Variants in ZC3H12C observed in about 807,000 individuals in gnomAD.
The protein encoded by ZC3H12C is probable ribonuclease ZC3H12C.
A neutral mutation model predicts 76.3 loss-of-function variants in ZC3H12C; 20 were observed. The observed-to-expected ratio is 0.26, with a 90% CI of 0.18 to 0.38. ZC3H12C has a LOEUF of 0.38. Ranked by LOEUF, ZC3H12C falls within the 10% of genes least tolerant of loss-of-function variation. The pLI is 1.00. For synonymous variants in ZC3H12C, 352 were observed against 399.6 expected (o/e 0.88, Z 1.42); for missense variants, 874 against 1,086.5 (o/e 0.80, Z 2.75).
At chr11:110,157,798 C>G (rs1236929560) in intron 3 of ZC3H12C, among the ~76,000 whole-genome samples, 13 of 152,196 alleles carry the variant, frequency 8.5e-5, no homozygotes, top group Admixed American at 8.5e-4. Context: ...CCAGCTCACA[C>G]TTCTGCTGTG....
At chr11:110,139,778 T>C (rs1446969919) in intron 2 of ZC3H12C, among the ~76,000 whole-genome samples, 2 of 152,162 alleles carry the variant, frequency 1.3e-5, no homozygotes, top group Non-Finnish European at 2.9e-5. Context: ...AGAGGAGTTA[T>C]TTAAAAATAC....
chr11:110,130,641 G>C (rs904248752), intron 1 of ZC3H12C, among the ~76,000 whole-genome samples: 1 of 152,126 alleles, frequency 6.6e-6, no homozygotes, highest in Admixed American at 6.5e-5. Flanking sequence ...AAATATAATT[G>C]GTTTCTTTGT....
At chr11:110,133,531 T>C (rs1327848537) in intron 1 of ZC3H12C, among the ~76,000 whole-genome samples, 1 of 152,218 alleles carries the variant, frequency 6.6e-6, no homozygotes, top group Non-Finnish European at 1.5e-5. Flanking sequence ...AATTTCTTTT[T>C]AAGTAGGTTA....
At chr11:110,136,585 A>T in intron 1 of ZC3H12C, 78 bp from the exon 2 acceptor site, 1 of 1,471,524 alleles carries the variant, frequency 6.8e-7, no homozygotes, top group South Asian at 1.3e-5. Flanking sequence ...TAGTTGAGTA[A>T]TTCTCTTCTG....
intron 4 of ZC3H12C, among the ~76,000 whole-genome samples, chr11:110,161,340 A>T (rs148524128): frequency 4.6e-5 from 7 of 152,306 alleles, no homozygotes; most frequent in Admixed American, 1.3e-4. Flanking sequence ...GTTGACCAAG[A>T]TGTTATGCAG....
intron 1 of ZC3H12C, among the ~76,000 whole-genome samples, chr11:110,125,270 AGTGTGTGTGTGTGTGTGTGT>A (rs59512764): frequency 0.027 from 3,711 of 138,744 alleles, 255 homozygotes; most frequent in Admixed American, 0.16. Context: ...ATCTCTCACT[AGTGTGTGTGTGTGTGTGTGT>A]GTGTGTGTGT....
chr11:110,127,895 C>CA lies in ZC3H12C; in HGVS notation c.22-8753dup, dbSNP rs749388411. Among the ~76,000 whole-genome samples the CA allele has an allele frequency of 4.1e-3, 208 of 50,910 alleles. 3 individuals carry two copies. The highest frequency in any genetic ancestry group is 0.015 in the African/African-American group (173 of 11,486). 33.4% of individuals were successfully genotyped at this position (50,910 alleles called of 152,430 possible). On this transcript the variant is annotated intron_variant, in intron 1 of 5. Coordinates refer to ENST00000278590, the MANE Select transcript of ZC3H12C (RefSeq NM_033390.2). ...TGGACAACACAGTGAGACTTACTCT[C>CA]AAAAAAAAAAAAAAAGAGATTACAT...
At chr11:110,145,604 C>CGG (rs375977452) in intron 2 of ZC3H12C, among the ~76,000 whole-genome samples, 48 of 147,520 alleles carry the variant, frequency 3.3e-4, no homozygotes, top group Admixed American at 2.6e-3. Context: ...AAATTGGGGG[C>CGG]GGGGGGGAGT....
chr11:110,163,178 A>G (rs2134200915), intron 4 of ZC3H12C, 95 bp from the exon 5 acceptor site: 1 of 1,089,784 alleles, frequency 9.2e-7, no homozygotes, highest in East Asian at 2.7e-5. Flanking sequence ...TTGCAAAAAA[A>G]ATTCCTTATA....
rs767023321 is a variant in ZC3H12C at position 110,169,246 on chromosome 11, CTA to C, written c.*3513_*3514del. On this transcript the variant is annotated 3_prime_UTR_variant, in exon 6 of 6. Coordinates refer to ENST00000278590, the MANE Select transcript of ZC3H12C (RefSeq NM_033390.2). ...TATTTAACATGTCTTATGGATGTATCTATATGTATATAGACAGTAATATATTT... is the reference window on the plus strand; with the variant it reads ...TATTTAACATGTCTTATGGATGTATCTATGTATATAGACAGTAATATATTT... The C allele has an allele frequency of 4.0e-5, 6 of 151,516 alleles. No individual in the cohort carries two copies. Among genetic ancestry groups the C allele is most frequent in the Non-Finnish European group, 7.4e-5 (5 of 67,882 alleles). The allele number at this position is 151,516 out of a possible 1,614,324, so 9.4% of individuals were successfully genotyped here. A position where few individuals can be genotyped will look rare whatever the true frequency, so the allele number is the denominator to read the frequency against.
At chr11:110,131,032 G>C (rs1438750930) in intron 1 of ZC3H12C, 3 of 1,535,538 alleles carry the variant, frequency 2.0e-6, no homozygotes, top group Non-Finnish European at 2.6e-6. Context: ...CTGGAAGTCT[G>C]CAGCTAAAAT....
intron 1 of ZC3H12C, among the ~76,000 whole-genome samples, chr11:110,117,122 A>C (rs1449625454): frequency 6.6e-6 from 1 of 152,216 alleles, no homozygotes; most frequent in Non-Finnish European, 1.5e-5. Context: ...TTCTGAATGG[A>C]ATACCATACC....
In ZC3H12C at chr11:110,123,837, C is replaced by T. The variant is rs189786134; in HGVS notation, c.22-12826C>T. On this transcript the variant is annotated intron_variant, in intron 1 of 5. Transcript: ENST00000278590. Reference sequence around the variant, plus strand: ...GAGAAACAGACAAAGGAGCCAAGCACATGGAGATCAAAATAGCAGCCCTTT... The same window carrying T: ...GAGAAACAGACAAAGGAGCCAAGCATATGGAGATCAAAATAGCAGCCCTTT... Among the ~76,000 whole-genome samples the T allele has an allele frequency of 3.3e-5, 5 of 152,296 alleles. No homozygotes were observed. In the East Asian group the frequency reaches 9.6e-4, roughly 29 times the overall value.
chr11:110,128,585 G>A (rs1052144550), intron 1 of ZC3H12C, among the ~76,000 whole-genome samples: 2 of 152,110 alleles, frequency 1.3e-5, no homozygotes, highest in African/African-American at 2.4e-5. Context: ...AAAGAAGACT[G>A]TCTATTCATA....
chr11:110,139,869 C>CTTTTTTTTTTTT (rs58867910), intron 2 of ZC3H12C, among the ~76,000 whole-genome samples: 4 of 131,526 alleles, frequency 3.0e-5, no homozygotes, highest in Non-Finnish European at 4.8e-5. Context: ...CATATATTTT[C>CTTTTTTTTTTTT]TTTTTTTTTT....
chr11:110,159,226 TC>T, intron 3 of ZC3H12C, 29 bp from the exon 4 acceptor site: 1 of 1,551,216 alleles, frequency 6.4e-7, no homozygotes, highest in African/African-American at 1.4e-5. Context: ...GTATTTACTT[TC>T]TGCCATCCTA....
Position 110,165,438 on chromosome 11 carries a change from G to A in ZC3H12C, c.2353G>A (p.Asp785Asn). The change falls in exon 6 of 6, where the codon GAC becomes AAC. Residue 785 changes from aspartate to asparagine, a missense_variant. By Grantham distance (23) the Asp-to-Asn change is conservative. Around this residue, in one of 3 missense-constraint regions of ZC3H12C, gnomAD observed 395 missense variants for 434.4 expected, o/e 0.91. Transcript: ENST00000278590. Reference protein sequence around the residue: ...GSWERPGYGIDAYGYRQTYSL... With the variant: ...GSWERPGYGINAYGYRQTYSL... ...CTGGGAGAGGCCAGGCTATGGGATC[G>A]ACGCCTATGGGTACCGGCAGACTTA... is the stretch of plus-strand genomic sequence containing the variant. The A allele has an allele frequency of 1.1e-5, 18 of 1,614,000 alleles. No individual in the cohort carries two copies. The highest frequency in any genetic ancestry group is 1.3e-5 in the Non-Finnish European group (15 of 1,179,894).
chr11:110,167,251 G>A lies in ZC3H12C; in HGVS notation c.*1514G>A, dbSNP rs1289502117. On this transcript the variant is annotated 3_prime_UTR_variant, in exon 6 of 6. Coordinates refer to ENST00000278590, the MANE Select transcript of ZC3H12C (RefSeq NM_033390.2). ...AAGTGAAGCCCTGAAAAACCAGAAA[G>A]TACCTTTTACTGTTGATACAAATTG... 6.6e-6 allele frequency: 1 copy of A among 152,158 alleles called. No homozygotes were observed. Among genetic ancestry groups the A allele is most frequent in the African/African-American group, 2.4e-5 (1 of 41,456 alleles). The allele number at this position is 152,158 out of a possible 1,614,324, so 9.4% of individuals were successfully genotyped here.
At chr11:110,122,215 C>T (rs756319750) in intron 1 of ZC3H12C, among the ~76,000 whole-genome samples, 41 of 152,092 alleles carry the variant, frequency 2.7e-4, no homozygotes, top group Non-Finnish European at 3.7e-4. Context: ...GATGAGATGA[C>T]GTCTGACCAG....
Sources: gnomAD v4.1 joint callset for allele counts (sites outside exome capture counted in the v4.1 genomes callset) on GRCh38, gnomAD v4.1.1 for gene constraint, gnomAD v4.1.1 regional missense constraint, MANE v1.5 for transcripts, NCBI Gene and HGNC (gene_info 2026-07-23, HGNC 2026-07-21) for gene names.